DAB1: variants seen among roughly 807,000 people sequenced by gnomAD.
The protein encoded by DAB1 is DAB adaptor protein 1.
In DAB1, 15 loss-of-function variants were observed where a neutral mutation model predicts 64.6. The ratio of observed to expected loss-of-function variants is 0.23; its 90% CI spans 0.16 to 0.36. DAB1 has a LOEUF of 0.36. Ranked by LOEUF, DAB1 falls within the 10% of genes least tolerant of loss-of-function variation. The pLI, the probability that DAB1 is intolerant of heterozygous loss-of-function variation, is 1.00. For missense variants in DAB1, 596 were observed against 706.7 expected, an observed-to-expected ratio of 0.84 and a Z score of 1.78; for synonymous variants, 235 against 251.9, an observed-to-expected ratio of 0.93 and a Z score of 0.64.
chr1:57,789,651 C>T (rs1472344580), intron 6 of DAB1, among the ~76,000 whole-genome samples: 4 of 152,200 alleles, frequency 2.6e-5, no homozygotes, highest in African/African-American at 9.7e-5. Context: ...GACCTAATTA[C>T]CTCCTAAAGG....
Position 57,291,090 on chromosome 1 carries a change from A to G in DAB1, c.-60T>C. 8.5e-7 allele frequency: 1 copy of G among 1,169,842 alleles called. No homozygotes were observed. Among genetic ancestry groups the G allele is most frequent in the South Asian group, 1.4e-5 (1 of 70,208 alleles). 72.5% of individuals were successfully genotyped at this position (1,169,842 alleles called of 1,614,324 possible). Reference sequence around the variant, plus strand: ...CGGGCCTCGGCCAGGCTCATTGAGGACTCTTCTCCAAGAGAAAGACTCCTC... The same window carrying G: ...CGGGCCTCGGCCAGGCTCATTGAGGGCTCTTCTCCAAGAGAAAGACTCCTC... On this transcript the variant is annotated 5_prime_UTR_variant, in exon 2 of 15. Coordinates refer to ENST00000371236, the MANE Select transcript of DAB1 (RefSeq NM_001365792.1).
At chr1:57,262,282 A>C (rs1670240425) in intron 2 of DAB1, among the ~76,000 whole-genome samples, 2 of 152,216 alleles carry the variant, frequency 1.3e-5, no homozygotes, top group Non-Finnish European at 2.9e-5. Flanking sequence ...GCCACATTTG[A>C]ACCAGGCCTA....
chr1:57,886,163 CTTTTTTTTTTTT>C (rs36101963), upstream of DAB1, among the ~76,000 whole-genome samples: 1 of 129,486 alleles, frequency 7.7e-6, no homozygotes, highest in Admixed American at 7.8e-5. Context: ...GCCTACTATT[CTTTTTTTTTTTT>C]TTTTTTTTGA....
intron 5 of DAB1, among the ~76,000 whole-genome samples, chr1:57,969,865 G>C (rs1645755412): frequency 6.6e-6 from 1 of 152,050 alleles, no homozygotes; most frequent in African/African-American, 2.4e-5. Flanking sequence ...ATTGCTACAG[G>C]CTGAATATTT....
intron 8 of DAB1, among the ~76,000 whole-genome samples, chr1:57,067,391 A>G (rs924634456): frequency 6.6e-6 from 1 of 152,092 alleles, no homozygotes; most frequent in African/African-American, 2.4e-5. Context: ...GGCTCTACCT[A>G]TTGCTAGCTC....
At chr1:58,450,511 T>C (rs907864928) in intron 3 of DAB1, among the ~76,000 whole-genome samples, 3 of 152,090 alleles carry the variant, frequency 2.0e-5, no homozygotes, top group Non-Finnish European at 2.9e-5. Flanking sequence ...TCCCAGCACT[T>C]TGGGAGGCCG....
At chr1:57,072,463 G>A (rs377215737) in intron 4 of DAB1, 49 bp from the exon 5 acceptor site, 38 of 1,596,636 alleles carry the variant, frequency 2.4e-5, no homozygotes, top group Non-Finnish European at 3.1e-5. Context: ...CTTTCCCTTC[G>A]AGCTGTTGAT....
At chr1:57,380,281 G>C (rs17424237) in intron 1 of DAB1, among the ~76,000 whole-genome samples, 12,746 of 152,214 alleles carry the variant, frequency 0.084, 585 homozygotes, top group Middle Eastern at 0.12. Flanking sequence ...CCTGGAGGCT[G>C]CCATAAAACT....
chr1:57,772,626 C>A (rs138445588), intron 6 of DAB1, among the ~76,000 whole-genome samples: 1 of 152,222 alleles, frequency 6.6e-6, no homozygotes, highest in East Asian at 1.9e-4. Flanking sequence ...GTAACCTTTA[C>A]ACTCCCACCA....
intron 1 of DAB1, among the ~76,000 whole-genome samples, chr1:58,528,646 G>A (rs570489261): frequency 6.6e-6 from 1 of 152,278 alleles, no homozygotes; most frequent in African/African-American, 2.4e-5. Context: ...CCACAACAAA[G>A]AATTATCCAG....
chr1:57,278,289 G>A (rs1434928700), intron 2 of DAB1, among the ~76,000 whole-genome samples: 3 of 152,272 alleles, frequency 2.0e-5, no homozygotes, highest in South Asian at 2.1e-4. Flanking sequence ...TAATTCTCTT[G>A]TGAAGATTTT....
intron 5 of DAB1, among the ~76,000 whole-genome samples, chr1:57,925,207 G>T (rs1039794032): frequency 2.6e-5 from 4 of 152,170 alleles, no homozygotes; most frequent in African/African-American, 9.7e-5. Context: ...ACCATTAGAA[G>T]AGTATGTGTT....
chr1:57,189,701 G>A (rs1663940045), intron 2 of DAB1, among the ~76,000 whole-genome samples: 1 of 152,126 alleles, frequency 6.6e-6, no homozygotes, highest in African/African-American at 2.4e-5. Context: ...CATCTGGAGA[G>A]AGGACAGGAT....
chr1:57,734,670 T>A (rs961282695), intron 6 of DAB1, among the ~76,000 whole-genome samples: 6 of 152,236 alleles, frequency 3.9e-5, no homozygotes, highest in African/African-American at 1.4e-4. Context: ...CTAGGAGTGT[T>A]ATCAGATCAC....
intron 7 of DAB1, among the ~76,000 whole-genome samples, chr1:57,578,538 A>G (rs1288672304): frequency 1.3e-5 from 2 of 152,228 alleles, no homozygotes; most frequent in Non-Finnish European, 2.9e-5. Flanking sequence ...TCTGCCACTT[A>G]TAAACTAGGG....
chr1:57,657,942 C>T (rs1392082552), intron 6 of DAB1, among the ~76,000 whole-genome samples: 1 of 152,154 alleles, frequency 6.6e-6, no homozygotes, highest in African/African-American at 2.4e-5. Flanking sequence ...CAGATTGATT[C>T]ATTTACCAAG....
chr1:58,423,207 G>T (rs1644789379), intron 3 of DAB1, among the ~76,000 whole-genome samples: 1 of 152,184 alleles, frequency 6.6e-6, no homozygotes, highest in Admixed American at 6.5e-5. Flanking sequence ...TTAAAAGCCA[G>T]ACAGGAATTT....
In DAB1 at chr1:57,015,178, G is replaced by C; in HGVS notation, c.1149C>G (p.Pro383=). ...MPLPAAMFQG[P]LTPLATVPGT... is the part of the protein sequence containing the mutation. ...CTGGGACGGTGGCAAGGGGGGTGAG[G>C]GGACCTTGGAACATGGCAGCTGGCA... is the stretch of plus-strand genomic sequence containing the variant. Residue 383 remains proline (P), a synonymous_variant, in exon 12 of 15, where the codon CCC becomes CCG. Transcript: ENST00000371236. 6.2e-7 allele frequency: 1 copy of C among 1,614,126 alleles called. No homozygotes were observed. Among genetic ancestry groups the C allele is most frequent in the African/African-American group, 1.3e-5 (1 of 75,042 alleles).
intron 1 of DAB1, among the ~76,000 whole-genome samples, chr1:57,393,684 G>T (rs1327842961): frequency 6.6e-6 from 1 of 152,090 alleles, no homozygotes; most frequent in Non-Finnish European, 1.5e-5. Context: ...AAAAGAAATA[G>T]ATCTGGGCCA....
Sources: allele counts gnomAD v4.1 joint callset (sites outside exome capture counted in the v4.1 genomes callset), GRCh38; gene constraint gnomAD v4.1.1; transcripts MANE v1.5; gene names NCBI Gene and HGNC (gene_info 2026-07-23, HGNC 2026-07-21).